NRG1: variants seen among roughly 807,000 people sequenced by gnomAD.
NRG1 encodes neuregulin 1, also known as pro-neuregulin-1, membrane-bound isoform.
In NRG1, 18 loss-of-function variants were observed where a neutral mutation model predicts 63.8. The observed-to-expected ratio is 0.28, with a 90% CI of 0.19 to 0.42. The LOEUF (loss-of-function observed/expected upper bound fraction) is 0.42, where lower values mean the gene tolerates loss of function less well. NRG1 is among the 10% of genes least tolerant of loss of function. The pLI is 1.00. For missense variants in NRG1, 762 were observed against 814.7 expected (o/e 0.94, Z 0.79); for synonymous variants, 302 against 301.3 (o/e 1.00, Z -0.02).
chr8:32,581,372 A>T (rs1840600314), intron 1 of NRG1, among the ~76,000 whole-genome samples: 1 of 152,232 alleles, frequency 6.6e-6, no homozygotes, highest in Admixed American at 6.5e-5. Context: ...AAAGGTAGTG[A>T]TAACCCTGAT....
At chr8:32,088,493 G>A (rs1828617649) in intron 1 of NRG1, among the ~76,000 whole-genome samples, 1 of 150,466 alleles carries the variant, frequency 6.6e-6, no homozygotes, top group South Asian at 2.1e-4. Context: ...TAGAAACTTG[G>A]GTCTGAAAGA....
At chr8:31,828,219 G>A (rs184961860) in intron 1 of NRG1, among the ~76,000 whole-genome samples, 177 of 152,260 alleles carry the variant, frequency 1.2e-3, no homozygotes, top group African/African-American at 3.7e-3. Flanking sequence ...TACCACATGT[G>A]TTTGTCCTGT....
intron 1 of NRG1, among the ~76,000 whole-genome samples, chr8:32,251,695 T>C (rs965384475): frequency 2.0e-5 from 3 of 152,196 alleles, no homozygotes; most frequent in Admixed American, 2.0e-4. Flanking sequence ...TTCCTATTTC[T>C]CCACATCTTC....
intron 1 of NRG1, among the ~76,000 whole-genome samples, chr8:32,212,276 A>G (rs1034477727): frequency 2.0e-5 from 3 of 152,176 alleles, no homozygotes; most frequent in Admixed American, 6.5e-5. Flanking sequence ...TACACATAAA[A>G]TACTTAAAAT....
chr8:32,234,045 T>G (rs1847282153), intron 1 of NRG1, among the ~76,000 whole-genome samples: 1 of 152,212 alleles, frequency 6.6e-6, no homozygotes, highest in Non-Finnish European at 1.5e-5. Flanking sequence ...GGCTTAACTG[T>G]GAAAGTATTA....
Position 31,735,748 on chromosome 8 carries a change from A to G in NRG1, c.37+96317A>G, listed in dbSNP as rs117081941. Among the ~76,000 whole-genome samples the G allele has an allele frequency of 2.2e-4, 34 of 152,284 alleles. No individual in the cohort carries two copies. The East Asian group carries it at 5.6e-3, about 25-fold the overall frequency. The stretch of plus-strand genomic sequence containing the variant: ...TAGCATTATGCAGGAACTGCTGCTC[A>G]CTCGCTAATTATCCCACAGCCTCGC... On this transcript the variant is annotated intron_variant, in intron 1 of 10. Coordinates refer to the NRG1 transcript ENST00000519301.
intron 5 of NRG1, among the ~76,000 whole-genome samples, chr8:32,676,968 CTCT>C (rs1222059620): frequency 6.6e-6 from 1 of 152,096 alleles, no homozygotes; most frequent in Non-Finnish European, 1.5e-5. Flanking sequence ...GTCTCCTTGA[CTCT>C]AATGTAGGAA....
intron 1 of NRG1, among the ~76,000 whole-genome samples, chr8:31,736,617 TC>T (rs1563343102): frequency 1.3e-5 from 2 of 152,192 alleles, no homozygotes; most frequent in Non-Finnish European, 2.9e-5. Flanking sequence ...TAGACATACT[TC>T]CTTTTGCAGG....
At chr8:32,266,485 A>G (rs1441775179) in intron 1 of NRG1, among the ~76,000 whole-genome samples, 3 of 152,152 alleles carry the variant, frequency 2.0e-5, no homozygotes, top group Admixed American at 1.3e-4. Flanking sequence ...TTTTCTATCT[A>G]AGGAAGATGA....
At chr8:32,294,257 G>A (rs777516164) in intron 1 of NRG1, among the ~76,000 whole-genome samples, 1 of 151,770 alleles carries the variant, frequency 6.6e-6, no homozygotes, top group African/African-American at 2.4e-5. Context: ...GGCAGAAAAC[G>A]CATTTTAGTC....
At chr8:32,772,023 C>CAAA (rs1394678476), downstream of NRG1, among the ~76,000 whole-genome samples, 4 of 24,950 alleles carry the variant, frequency 1.6e-4, no homozygotes, top group African/African-American at 4.2e-4. Flanking sequence ...AACTCCGTCT[C>CAAA]AAAAAAAAAA....
At position 32,647,724 on chromosome 8, in the gene NRG1, A is replaced by G. The variant is rs760980564; in HGVS notation, c.502+30839A>G. 16 of 1,562,418 alleles carry G rather than the reference A, an allele frequency of 1.0e-5. No homozygotes were observed. In the African/African-American group the frequency reaches 1.9e-4, roughly 19 times the overall value. ...TTCTTCTGGAGGTGAGCCGATGGAG[A>G]TTTATTCCCCAGACATGTCTGAGGT... On this transcript the variant is annotated intron_variant, in intron 5 of 11. Transcript: ENST00000356819.
At chr8:32,352,896 T>C (rs1805795689) in intron 1 of NRG1, among the ~76,000 whole-genome samples, 1 of 120,380 alleles carries the variant, frequency 8.3e-6, no homozygotes, top group African/African-American at 2.9e-5. Flanking sequence ...AAAATATATA[T>C]ATACATATAT....
chr8:32,510,066 A>G (rs1243586380), intron 1 of NRG1, among the ~76,000 whole-genome samples: 1 of 150,816 alleles, frequency 6.6e-6, no homozygotes, highest in Non-Finnish European at 1.5e-5. Context: ...TTGGTCAGAA[A>G]CAGGAGAAAG....
At chr8:31,954,771 T>C (rs1291547357) in intron 1 of NRG1, among the ~76,000 whole-genome samples, 1 of 152,196 alleles carries the variant, frequency 6.6e-6, no homozygotes, top group East Asian at 1.9e-4. Context: ...CTGTGGGACA[T>C]AGAACATTTT....
intron 1 of NRG1, among the ~76,000 whole-genome samples, chr8:32,388,838 A>G (rs1811356617): frequency 6.6e-6 from 1 of 152,124 alleles, no homozygotes; most frequent in South Asian, 2.1e-4. Flanking sequence ...GGGAAATAGG[A>G]ATGAGTTTCA....
intron 1 of NRG1, among the ~76,000 whole-genome samples, chr8:32,559,245 T>TAAAAAAA (rs545838945): frequency 6.2e-5 from 6 of 96,784 alleles, no homozygotes; most frequent in Non-Finnish European, 8.2e-5. Flanking sequence ...CTCTAAAATG[T>TAAAAAAA]AAAAAAAAAA....
chr8:32,742,191 ACCTC>A lies in NRG1; in HGVS notation c.633-483_633-480del. ...TTCATTTTGTTCTAATTATGGCTTA[ACCTC>A]TCAAGGCATAAACCCATTCAGTGTT... On this transcript the variant is annotated intron_variant, in intron 6 of 11. Transcript: ENST00000356819. This position sits in a 1 kb window ranked among gnomAD's most constrained non-coding sequence, Gnocchi z 4.2. 4.7e-6 allele frequency: 4 copies of A among 845,822 alleles called. No homozygotes were observed. The highest frequency in any genetic ancestry group is 7.8e-6 in the Non-Finnish European group (4 of 513,618). The allele number at this position is 845,822 out of a possible 1,614,324, so 52.4% of individuals were successfully genotyped here.
intron 5 of NRG1, among the ~76,000 whole-genome samples, chr8:32,715,212 C>G (rs1449838676): frequency 6.6e-6 from 1 of 152,160 alleles, no homozygotes; most frequent in Admixed American, 6.5e-5. Context: ...GCCTCAGCCT[C>G]TGAAAGTGCT....
Sources: allele counts gnomAD v4.1 joint callset (sites outside exome capture counted in the v4.1 genomes callset), GRCh38; gene constraint gnomAD v4.1.1; non-coding constraint Gnocchi (gnomAD v3.1); transcripts MANE v1.5; gene names NCBI Gene and HGNC (gene_info 2026-07-23, HGNC 2026-07-21).